PRAM1: variants seen among roughly 807,000 people sequenced by gnomAD.
PRAM1 encodes the protein PML-RARA regulated adaptor molecule 1, also known as PML-RARA-regulated adapter molecule 1.
PRAM1 carries 41 observed loss-of-function variants against 55.3 expected under a neutral mutation model. The ratio of observed to expected loss-of-function variants is 0.74; its 90% CI spans 0.58 to 0.96. The LOEUF (loss-of-function observed/expected upper bound fraction) is 0.96, where lower values mean the gene tolerates loss of function less well. PRAM1 is among the 40% of genes least tolerant of loss of function. The probability of loss-of-function intolerance (pLI) is 0.00; values close to 1 mark genes in which losing one functional copy is unlikely to be tolerated. For missense variants in PRAM1, 898 were observed against 892.7 expected (o/e 1.01, Z -0.08); for synonymous variants, 401 against 387.1 (o/e 1.04, Z -0.42).
intron 4 of PRAM1, chr19:8,491,454 A>G: frequency 4.1e-6 from 2 of 492,240 alleles, no homozygotes; most frequent in East Asian, 3.8e-5. Context: ...GCTGGTCTTG[A>G]ACTCCTGACC....
chr19:8,494,535 C>T (rs1971670732), intron 4 of PRAM1, among the ~76,000 whole-genome samples: 1 of 152,242 alleles, frequency 6.6e-6, no homozygotes, highest in African/African-American at 2.4e-5. Flanking sequence ...AAGCTCTGGC[C>T]CCCGCTGAAA....
chr19:8,498,792 T>C lies in PRAM1; in HGVS notation c.1016A>G (p.Asn339Ser). The C allele has an allele frequency of 6.3e-7, 1 of 1,576,748 alleles. No individual in the cohort carries two copies. Residue 339 changes from asparagine (N) to serine (S), a missense_variant, in exon 2 of 10, where the codon AAC (asparagine) becomes AGC (serine). Physicochemically the swap from Asn to Ser is conservative, Grantham distance 46. Around this residue, in one of 4 missense-constraint regions of PRAM1, gnomAD observed 787 missense variants for 735.4 expected, o/e 1.07. Coordinates refer to ENST00000423345, the MANE Select transcript of PRAM1 (RefSeq NM_032152.5). ...LPRTSSEPEF[N>S]SLPRKLLQPE... The stretch of plus-strand genomic sequence containing the variant: ...CTGCAGCAGCTTCCTGGGGAGTGAG[T>C]TGAACTCGGGCTCTGAGGAGGTCCT...
chr19:8,497,963 C>T (rs1309020364), intron 3 of PRAM1, 123 bp from the exon 4 acceptor site: 12 of 769,118 alleles, frequency 1.6e-5, no homozygotes, highest in Non-Finnish European at 2.0e-5. Context: ...CTCACTGCAG[C>T]CTCCACCTCC....
chr19:8,498,192 G>C, intron 3 of PRAM1, 31 bp downstream of exon 3: 1 of 1,601,962 alleles, frequency 6.2e-7, no homozygotes. Context: ...CCCACAATCC[G>C]CACCCACCTC....
At position 8,490,347 on chromosome 19, in the gene PRAM1, C is replaced by T. The variant is rs1241714513; in HGVS notation, c.1966G>A (p.Asp656Asn). The T allele has an allele frequency of 3.1e-6, 5 of 1,613,970 alleles. No homozygotes were observed. The highest frequency in any genetic ancestry group is 1.3e-5 in the African/African-American group (1 of 75,034). The change falls in exon 9 of 10, where the codon GAC becomes AAC. Residue 656 changes from aspartate to asparagine, a missense_variant. Asp to Asn is a conservative substitution (Grantham distance 23). This residue lies in a region of PRAM1 where 787 missense variants were observed against 735.4 expected (regional missense o/e 1.07). Transcript: ENST00000423345. This position sits in a 1 kb window ranked among gnomAD's most constrained non-coding sequence, Gnocchi z 7.3. ...CAGAGTGTCCACGTACCGCAGAAGT[C>T]GACATCATCGTACACCTCCGTCTCC... ...PLETEVYDDV[D>N]FCDPLENQPL...
intron 4 of PRAM1, among the ~76,000 whole-genome samples, chr19:8,497,229 G>A (rs966522984): frequency 1.3e-5 from 2 of 149,872 alleles, no homozygotes; most frequent in African/African-American, 4.9e-5. Context: ...GGAGTACAGT[G>A]GTGGAGTCAC....
At chr19:8,495,708 T>A (rs1029212805) in intron 4 of PRAM1, among the ~76,000 whole-genome samples, 1 of 146,688 alleles carries the variant, frequency 6.8e-6, no homozygotes, top group African/African-American at 2.6e-5. Context: ...TAAGGACGGA[T>A]TTAAGGACAG....
rs1971725601 is a variant in PRAM1 at position 8,498,084 on chromosome 19, TG to T, written c.1499+138del. Reference sequence around the variant, plus strand: ...TTTAGTAGACGGGGTTTCACCACGTTGGCCAGGCTGTTGTCGAACTCCTGAC... The same window carrying T: ...TTTAGTAGACGGGGTTTCACCACGTTGCCAGGCTGTTGTCGAACTCCTGAC... On this transcript the variant is annotated intron_variant, in intron 3 of 9. Coordinates refer to ENST00000423345, the MANE Select transcript of PRAM1 (RefSeq NM_032152.5). 7.6e-6 allele frequency: 7 copies of T among 923,360 alleles called. No homozygotes were observed. The South Asian group carries it at 1.1e-4, about 15-fold the overall frequency. The allele number at this position is 923,360 out of a possible 1,614,324, so 57.2% of individuals were successfully genotyped here. A position where few individuals can be genotyped will look rare whatever the true frequency, so the allele number is the denominator to read the frequency against.
At chr19:8,494,913 G>A (rs974569042) in intron 4 of PRAM1, among the ~76,000 whole-genome samples, 3 of 148,984 alleles carry the variant, frequency 2.0e-5, no homozygotes, top group East Asian at 2.0e-4. Context: ...GATTACAGGC[G>A]TGAGCCACTG....
Position 8,499,364 on chromosome 19 carries a change from G to A in PRAM1, c.444C>T (p.Val148=), listed in dbSNP as rs1971765337. ...GCGAGGCCTTCAAAGGGGCCTCACC[G>A]ACCTCAGGCTGCAGGGGCTTCCTTG... ...PFPRKPLQPE[V]GEAPLKASLP... is the part of the protein sequence containing the mutation. The change falls in exon 2 of 10, where the codon GTC becomes GTT. Residue 148 remains valine, a synonymous_variant. Coordinates refer to ENST00000423345, the MANE Select transcript of PRAM1 (RefSeq NM_032152.5). 1 of 1,612,554 alleles carries A rather than the reference G, an allele frequency of 6.2e-7. No homozygotes were observed. The highest frequency in any genetic ancestry group is 8.5e-7 in the Non-Finnish European group (1 of 1,179,586).
rs4990821 is a variant in PRAM1 at position 8,499,585 on chromosome 19, C to A, written c.223G>T (p.Glu75Ter). 2 of 835,544 alleles carry A rather than the reference C, an allele frequency of 2.4e-6. No homozygotes were observed. Among genetic ancestry groups the A allele is most frequent in the Non-Finnish European group, 3.2e-6 (2 of 629,298 alleles). The allele number at this position is 835,544 out of a possible 1,614,324, so 51.8% of individuals were successfully genotyped here. A position where few individuals can be genotyped will look rare whatever the true frequency, so the allele number is the denominator to read the frequency against. The change falls in exon 2 of 10, where the codon GAG becomes TAG. Residue 75 changes from glutamate (E) to a stop codon, truncating the protein, a stop_gained. Coordinates refer to ENST00000423345, the MANE Select transcript of PRAM1 (RefSeq NM_032152.5). LOFTEE classifies it high-confidence loss of function. ...GGCTTCTTGGGGAGGTCAGTGACCT[C>A]AGGCGGCGGGGGCTTCAAGGACACT... Reference protein sequence around the residue: ...GAVSLKPPPPEVTDLPKKPPP... With the variant: ...GAVSLKPPPP
At chr19:8,497,944 G>C in intron 3 of PRAM1, 104 bp from the exon 4 acceptor site, 3 of 836,194 alleles carry the variant, frequency 3.6e-6, no homozygotes, top group Non-Finnish European at 5.3e-6. Flanking sequence ...GCAGGGGCAT[G>C]ATCTCGGGCT....
chr19:8,497,821 C>A lies in PRAM1; in HGVS notation c.1519G>T (p.Glu507Ter), dbSNP rs567103236. The A allele has an allele frequency of 6.2e-7, 1 of 1,607,816 alleles. No homozygotes were observed. Among genetic ancestry groups the A allele is most frequent in the East Asian group, 2.2e-5 (1 of 44,640 alleles). ...CTGGGTTCCACATCGTCATACAGCT[C>A]GTAGATCTCATCTGGGACCCTGCGG... ...DIPQVPDEIY[E>*]LYDDVEPRDD... Residue 507 changes from glutamate (E) to a stop codon, truncating the protein, a stop_gained, in exon 4 of 10, where the codon GAG becomes TAG. Coordinates refer to ENST00000423345, the MANE Select transcript of PRAM1 (RefSeq NM_032152.5). LOFTEE classifies it high-confidence loss of function.
rs1304193448 is a variant in PRAM1 at position 8,498,473 on chromosome 19, G to A, written c.1335C>T (p.Pro445=). The stretch of plus-strand genomic sequence containing the variant: ...GAGGGTGTCCCAGGCTGCTGGCAGG[G>A]GGCAGAGGCCTCCGCCGGGGTGGAT... ...PSHPPRRRPL[P]PASSLGHPPA... Residue 445 remains proline (P), a synonymous_variant, in exon 2 of 10, where the codon CCC becomes CCT. Coordinates refer to ENST00000423345, the MANE Select transcript of PRAM1 (RefSeq NM_032152.5). The A allele has an allele frequency of 1.9e-6, 3 of 1,589,454 alleles. No individual in the cohort carries two copies. Among genetic ancestry groups the A allele is most frequent in the East Asian group, 2.2e-5 (1 of 44,524 alleles).
At chr19:8,497,864 C>T in intron 3 of PRAM1, 24 bp from the exon 4 acceptor site, 1 of 1,098,352 alleles carries the variant, frequency 9.1e-7, no homozygotes, top group Non-Finnish European at 1.3e-6. Flanking sequence ...TGAGATGAGG[C>T]CTCTTCTTTT....
intron 4 of PRAM1, among the ~76,000 whole-genome samples, chr19:8,496,322 G>A (rs983738546): frequency 6.6e-6 from 1 of 152,166 alleles, no homozygotes; most frequent in African/African-American, 2.4e-5. Flanking sequence ...GCTGAGGCAG[G>A]AGAATCGCTT....
rs541641532 is a variant in PRAM1, at chr19:8,493,135, C to T, written c.1577-1978G>A. ...TGCCACTTCCTGGCAAATGACCAGG[C>T]TCCCAAGTCAGAGCCCTGCTGGCCA... On this transcript the variant is annotated intron_variant, in intron 4 of 9. Transcript: ENST00000423345. This position sits in a 1 kb window ranked among gnomAD's most constrained non-coding sequence, Gnocchi z 4.1. Among the ~76,000 whole-genome samples the T allele has an allele frequency of 6.6e-6, 1 of 152,342 alleles. No individual in the cohort carries two copies. Among genetic ancestry groups the T allele is most frequent in the Admixed American group, 6.5e-5 (1 of 15,308 alleles).
intron 4 of PRAM1, 133 bp from the exon 5 acceptor site, chr19:8,491,290 A>G (rs538335562): frequency 1.2e-4 from 115 of 936,420 alleles, no homozygotes; most frequent in Non-Finnish European, 1.8e-4. Context: ...CTGGAGTGCA[A>G]TGGCACAATC....
At chr19:8,491,277 A>G in intron 4 of PRAM1, 120 bp from the exon 5 acceptor site, 2 of 1,066,680 alleles carry the variant, frequency 1.9e-6, no homozygotes, top group Non-Finnish European at 2.8e-6. Flanking sequence ...TCTGTCACCC[A>G]GGCTGGAGTG....
Sources: gnomAD v4.1 joint callset for allele counts (sites outside exome capture counted in the v4.1 genomes callset) on GRCh38, gnomAD v4.1.1 for gene constraint, gnomAD v4.1.1 regional missense constraint, Gnocchi (gnomAD v3.1) non-coding constraint, MANE v1.5 for transcripts, NCBI Gene and HGNC (gene_info 2026-07-23, HGNC 2026-07-21) for gene names.